VPS13B: variants seen among roughly 807,000 people sequenced by gnomAD.
VPS13B encodes the protein vacuolar protein sorting 13 homolog B.
VPS13B carries 285 observed loss-of-function variants against 426.4 expected under a neutral mutation model. The ratio of observed to expected loss-of-function variants is 0.67; its 90% confidence interval spans 0.61 to 0.74. The LOEUF (loss-of-function observed/expected upper bound fraction) is 0.74, where lower values mean the gene tolerates loss of function less well. Ranked by LOEUF, VPS13B falls within the 30% of genes least tolerant of loss-of-function variation. VPS13B has a pLI of 0.00. For synonymous variants in VPS13B, 1,676 were observed against 1,676.4 expected (o/e 1.00, Z 0.01); for missense variants, 4,537 against 4,782.6 (o/e 0.95, Z 1.51).
chr8:99,462,849 CAAG>C (rs1403984640), intron 23 of VPS13B, among the ~76,000 whole-genome samples: 3 of 152,100 alleles, frequency 2.0e-5, no homozygotes, highest in Admixed American at 2.0e-4. Context: ...GAGAACATGG[CAAG>C]AAGGTTATCT....
chr8:99,394,561 T>G (rs547639397), intron 21 of VPS13B, among the ~76,000 whole-genome samples: 149 of 152,312 alleles, frequency 9.8e-4, no homozygotes, highest in African/African-American at 3.3e-3. Flanking sequence ...CACAGAATTC[T>G]AAATAATCTT....
At chr8:99,808,255 T>G (rs1450550773) in intron 43 of VPS13B, among the ~76,000 whole-genome samples, 1 of 152,206 alleles carries the variant, frequency 6.6e-6, no homozygotes, top group East Asian at 1.9e-4. Context: ...GTGCAGTGGC[T>G]CACGCCTGTA....
chr8:99,862,061 A>C (rs964285715), intron 58 of VPS13B, 115 bp downstream of exon 58: 1 of 1,280,482 alleles, frequency 7.8e-7, no homozygotes, highest in African/African-American at 1.5e-5. Context: ...ATGCTCAGAG[A>C]AGGTAAGGCA....
chr8:99,734,249 A>G (rs191266773), intron 39 of VPS13B, among the ~76,000 whole-genome samples: 2 of 152,262 alleles, frequency 1.3e-5, no homozygotes, highest in African/African-American at 4.8e-5. Flanking sequence ...GATATACCAC[A>G]TTTTGCTTAT....
chr8:99,159,206 C>T (rs1336765061), intron 15 of VPS13B, among the ~76,000 whole-genome samples: 1 of 152,190 alleles, frequency 6.6e-6, no homozygotes. Flanking sequence ...TGAATTGCTA[C>T]AATCTCATGA....
At chr8:99,720,302 G>A (rs761886629) in intron 37 of VPS13B, 43 bp from the exon 38 acceptor site, 7 of 1,497,742 alleles carry the variant, frequency 4.7e-6, no homozygotes, top group South Asian at 1.1e-5. Flanking sequence ...CTCAAGAAAT[G>A]TTTGTATTTA....
In VPS13B at chr8:99,121,264, C is replaced by T. The variant is rs138271331; in HGVS notation, c.1025C>T (p.Pro342Leu). ...TATTCACAGCAAGATGAGGAGCAGCCACAGGGATGGGTGTCATGGGCCTGG... is the reference window on the plus strand; with the variant it reads ...TATTCACAGCAAGATGAGGAGCAGCTACAGGGATGGGTGTCATGGGCCTGG... ...ELYSQQDEEQ[P>L]QGWVSWAWSF... Residue 342 changes from proline to leucine, a missense_variant, in exon 8 of 62, where the codon CCA becomes CTA. Transcript: ENST00000357162. 1 of 1,614,120 alleles carries T rather than the reference C, an allele frequency of 6.2e-7. No individual in the cohort carries two copies. Among genetic ancestry groups the T allele is most frequent in the Non-Finnish European group, 8.5e-7 (1 of 1,180,014 alleles).
chr8:99,194,679 C>G (rs1338585204), intron 17 of VPS13B, among the ~76,000 whole-genome samples: 5 of 152,138 alleles, frequency 3.3e-5, no homozygotes, highest in Non-Finnish European at 7.4e-5. Flanking sequence ...TTGATGGATA[C>G]TTATACTGAT....
At chr8:99,345,463 T>A (rs1811486567) in intron 19 of VPS13B, among the ~76,000 whole-genome samples, 1 of 152,204 alleles carries the variant, frequency 6.6e-6, no homozygotes. Flanking sequence ...TATAAAGGAA[T>A]GAGTTTGGTG....
At chr8:99,428,018 C>G (rs1006966100) in intron 21 of VPS13B, among the ~76,000 whole-genome samples, 5 of 151,892 alleles carry the variant, frequency 3.3e-5, no homozygotes, top group Admixed American at 6.6e-5. Flanking sequence ...ACAAACCTGA[C>G]AAAAACAAGA....
chr8:99,326,657 C>T (rs1258106710), intron 19 of VPS13B, among the ~76,000 whole-genome samples: 1 of 151,346 alleles, frequency 6.6e-6, no homozygotes, highest in Non-Finnish European at 1.5e-5. Context: ...CCTCAGCCTC[C>T]GAAAGTGCTG....
At chr8:99,209,796 C>G in intron 17 of VPS13B, 1 of 872,186 alleles carries the variant, frequency 1.1e-6, no homozygotes, top group East Asian at 1.2e-4. Context: ...AAGGAAGTCT[C>G]AAAGAGAAAT....
At chr8:99,099,865 A>G (rs528706509) in intron 4 of VPS13B, among the ~76,000 whole-genome samples, 34 of 152,312 alleles carry the variant, frequency 2.2e-4, no homozygotes, top group Middle Eastern at 3.4e-3. Context: ...GAGGTAGATA[A>G]TAAGAATTTC....
At chr8:99,591,164 C>CTTTT (rs376201526) in intron 33 of VPS13B, among the ~76,000 whole-genome samples, 11 of 96,526 alleles carry the variant, frequency 1.1e-4, no homozygotes, top group Middle Eastern at 6.9e-3. Flanking sequence ...GCAACCGCTC[C>CTTTT]TTTTTTTTTT....
rs551865350 is a variant in VPS13B at position 99,274,389 on chromosome 8, C to T, written c.2650+57C>T. On this transcript the variant is annotated intron_variant, in intron 18 of 61. Transcript: ENST00000357162. ...TGCCTGTATAGGAGAATTGGCCTTGCGTTTTACAAGGAGCGTTACTGAAAC... is the reference window on the plus strand; with the variant it reads ...TGCCTGTATAGGAGAATTGGCCTTGTGTTTTACAAGGAGCGTTACTGAAAC... The T allele has an allele frequency of 1.7e-5, 27 of 1,611,924 alleles. No individual in the cohort carries two copies. In the Admixed American group the frequency reaches 2.8e-4, roughly 17 times the overall value.
chr8:99,072,802 A>G (rs1452203451), intron 3 of VPS13B, among the ~76,000 whole-genome samples: 1 of 152,010 alleles, frequency 6.6e-6, no homozygotes, highest in African/African-American at 2.4e-5. Flanking sequence ...TTCCAGTTTC[A>G]TTGTTGTGCA....
chr8:99,333,286 T>C (rs527555826), intron 19 of VPS13B, among the ~76,000 whole-genome samples: 18 of 151,880 alleles, frequency 1.2e-4, no homozygotes, highest in Admixed American at 7.2e-4. Context: ...AGGCCACATA[T>C]ATGGTGATTT....
intron 35 of VPS13B, among the ~76,000 whole-genome samples, chr8:99,666,818 G>A (rs998155762): frequency 3.9e-5 from 6 of 152,066 alleles, no homozygotes; most frequent in Non-Finnish European, 1.5e-5. Context: ...GGGCAATCAG[G>A]CAGGAGAAGG....
chr8:99,066,264 A>G (rs142443408), intron 3 of VPS13B, among the ~76,000 whole-genome samples: 2,732 of 152,376 alleles, frequency 0.018, 50 homozygotes, highest in South Asian at 0.078. Flanking sequence ...CTACAAGGCT[A>G]CAGTAACCAA....
Sources: allele counts gnomAD v4.1 joint callset (sites outside exome capture counted in the v4.1 genomes callset), GRCh38; gene constraint gnomAD v4.1.1; transcripts MANE v1.5; gene names NCBI Gene and HGNC (gene_info 2026-07-23, HGNC 2026-07-21).